Variants in CCDC3 observed in about 807,000 individuals in gnomAD.
CCDC3 encodes the protein coiled-coil domain containing 3, also known as coiled-coil domain-containing protein 3.
Under a neutral mutation model 21.4 loss-of-function variants are expected in CCDC3, and 24 were observed. That is an observed-to-expected ratio of 1.12 (90% CI 0.81 to 1.58). CCDC3 has a LOEUF of 1.58. Ranked by LOEUF, CCDC3 falls within the 40% of genes most tolerant of loss-of-function variation. The pLI is 0.00. For synonymous variants in CCDC3, 186 were observed against 166.0 expected (o/e 1.12, Z -0.93); for missense variants, 425 against 360.9 (o/e 1.18, Z -1.44).
intron 2 of CCDC3, among the ~76,000 whole-genome samples, chr10:12,901,907 C>T (rs1034354350): frequency 2.6e-5 from 4 of 152,202 alleles, no homozygotes; most frequent in African/African-American, 4.8e-5. Flanking sequence ...CTCTTCCTCC[C>T]GCCTGGAGCA....
chr10:12,951,659 G>C (rs1156859569), intron 2 of CCDC3, among the ~76,000 whole-genome samples: 1 of 151,992 alleles, frequency 6.6e-6, no homozygotes, highest in African/African-American at 2.4e-5. Flanking sequence ...CAAAAAATTA[G>C]CTGGGTGTGA....
intron 2 of CCDC3, among the ~76,000 whole-genome samples, chr10:12,986,105 G>A (rs1301701621): frequency 1.3e-5 from 2 of 152,170 alleles, no homozygotes; most frequent in Non-Finnish European, 2.9e-5. Context: ...CTGGCCTCGA[G>A]TTTTACACAT....
At chr10:12,952,569 T>C (rs1835023022) in intron 2 of CCDC3, among the ~76,000 whole-genome samples, 1 of 152,214 alleles carries the variant, frequency 6.6e-6, no homozygotes, top group African/African-American at 2.4e-5. Context: ...CCCCTCTTAC[T>C]TTCCAGTGGC....
rs554773261 is a variant in CCDC3 at position 12,912,753 on chromosome 10, G to C, written c.550-14074C>G. ...GGTAGGTTTACAGTTTCAGGTCTACGCTTAAGTCTTTAAACATTGAGTTGA... is the reference window on the plus strand; with the variant it reads ...GGTAGGTTTACAGTTTCAGGTCTACCCTTAAGTCTTTAAACATTGAGTTGA... On this transcript the variant is annotated intron_variant, in intron 2 of 2. Coordinates refer to ENST00000378825, the MANE Select transcript of CCDC3 (RefSeq NM_031455.4). Among the ~76,000 whole-genome samples, 13 of 152,194 alleles carry C rather than the reference G, an allele frequency of 8.5e-5. No homozygotes were observed. In the East Asian group the frequency reaches 1.9e-3, roughly 23 times the overall value.
chr10:12,972,287 C>T (rs1288433571), intron 2 of CCDC3, among the ~76,000 whole-genome samples: 2 of 152,190 alleles, frequency 1.3e-5, no homozygotes, highest in Non-Finnish European at 2.9e-5. Context: ...TCCCCTCACC[C>T]CCAACTTCCA....
intron 4 of CCDC3, among the ~76,000 whole-genome samples, chr10:13,065,213 A>T (rs1365115978): frequency 6.6e-6 from 1 of 152,220 alleles, no homozygotes; most frequent in African/African-American, 2.4e-5. Context: ...GGTTTCAAAC[A>T]GTCCTAATCT....
intron 3 of CCDC3, among the ~76,000 whole-genome samples, chr10:13,080,930 G>A (rs1467920464): frequency 6.6e-6 from 1 of 152,238 alleles, no homozygotes; most frequent in African/African-American, 2.4e-5. Flanking sequence ...GAAACGCACA[G>A]GGGTGATGAG....
intron 2 of CCDC3, among the ~76,000 whole-genome samples, chr10:12,919,616 T>C (rs1033743176): frequency 6.7e-6 from 1 of 149,514 alleles, no homozygotes; most frequent in Non-Finnish European, 1.5e-5. Flanking sequence ...AAATGAGTAC[T>C]ATTTTAAGAG....
At chr10:12,989,594 G>A (rs1179322741) in intron 2 of CCDC3, among the ~76,000 whole-genome samples, 2 of 151,978 alleles carry the variant, frequency 1.3e-5, no homozygotes, top group Non-Finnish European at 2.9e-5. Flanking sequence ...GCTAATTTTT[G>A]TATTTTAGGT....
chr10:13,024,193 G>T (rs1836186414), intron 5 of CCDC3, among the ~76,000 whole-genome samples: 1 of 151,420 alleles, frequency 6.6e-6, no homozygotes, highest in African/African-American at 2.4e-5. Context: ...CGGTCTTGAG[G>T]CATCTTTTCA....
intron 2 of CCDC3, among the ~76,000 whole-genome samples, chr10:12,904,025 TTTCTG>T (rs746350630): frequency 9.2e-5 from 14 of 152,162 alleles, no homozygotes; most frequent in Non-Finnish European, 1.3e-4. Context: ...GTTACTCAGT[TTTCTG>T]TTCTAATTTT....
At chr10:13,097,218 G>A (rs1363648869) in intron 3 of CCDC3, among the ~76,000 whole-genome samples, 2 of 152,020 alleles carry the variant, frequency 1.3e-5, no homozygotes, top group Non-Finnish European at 2.9e-5. Context: ...CAGTTTTTTC[G>A]CTGCATTTAG....
intron 5 of CCDC3, among the ~76,000 whole-genome samples, chr10:13,045,465 T>C (rs980460361): frequency 8.6e-5 from 13 of 151,882 alleles, no homozygotes; most frequent in Admixed American, 6.6e-4. Context: ...CTGTCTCTAC[T>C]AAAAATACAA....
chr10:12,997,948 G>A (rs1274938583), intron 2 of CCDC3, among the ~76,000 whole-genome samples: 1 of 152,090 alleles, frequency 6.6e-6, no homozygotes, highest in Admixed American at 6.5e-5. Context: ...ATCTCGTAAT[G>A]TTCTAAGAAA....
intron 2 of CCDC3, among the ~76,000 whole-genome samples, chr10:12,991,340 A>T: frequency 6.6e-6 from 1 of 150,898 alleles, no homozygotes. Flanking sequence ...TTTTTCCTTG[A>T]GAGGGAGTCT....
At chr10:12,974,343 C>A (rs1835385047) in intron 2 of CCDC3, among the ~76,000 whole-genome samples, 1 of 152,234 alleles carries the variant, frequency 6.6e-6, no homozygotes, top group South Asian at 2.1e-4. Flanking sequence ...CAGCCTGGTG[C>A]AGGCCAGAGG....
chr10:12,984,550 T>C (rs966983848), intron 2 of CCDC3, among the ~76,000 whole-genome samples: 3 of 152,190 alleles, frequency 2.0e-5, no homozygotes, highest in African/African-American at 7.2e-5. Context: ...ATTCCGCTCC[T>C]AGTTAGTTAC....
chr10:12,916,061 G>T (rs1204236928), intron 2 of CCDC3, among the ~76,000 whole-genome samples: 1 of 152,076 alleles, frequency 6.6e-6, no homozygotes, highest in Non-Finnish European at 1.5e-5. Flanking sequence ...CCTGGGACAG[G>T]CCTAAACCCC....
intron 2 of CCDC3, among the ~76,000 whole-genome samples, chr10:12,943,595 G>C (rs1449434941): frequency 1.3e-5 from 2 of 152,078 alleles, no homozygotes; most frequent in Non-Finnish European, 2.9e-5. Flanking sequence ...AGAAAGGCAG[G>C]CAACATGGCG....
Sources: allele counts gnomAD v4.1 joint callset (sites outside exome capture counted in the v4.1 genomes callset), GRCh38; gene constraint gnomAD v4.1.1; transcripts MANE v1.5; gene names NCBI Gene and HGNC (gene_info 2026-07-23, HGNC 2026-07-21).